AUTS2: variants seen among roughly 807,000 people sequenced by gnomAD.
AUTS2 encodes autism susceptibility gene 2 protein.
Under a neutral mutation model 112.4 loss-of-function variants are expected in AUTS2, and 17 were observed. The observed-to-expected ratio is 0.15, with a 90% confidence interval of 0.10 to 0.23. AUTS2 has a LOEUF of 0.23. Among genes scored for constraint, AUTS2 ranks in the 10% least tolerant of loss-of-function variants. The pLI, the probability that AUTS2 is intolerant of heterozygous loss-of-function variation, is 1.00. For synonymous variants in AUTS2, 751 were observed against 702.7 expected (o/e 1.07, Z -1.09); for missense variants, 1,510 against 1,701.6 (o/e 0.89, Z 1.98).
chr7:70,029,005 T>A (rs1251678644), intron 2 of AUTS2, among the ~76,000 whole-genome samples: 1 of 152,174 alleles, frequency 6.6e-6, no homozygotes, highest in Non-Finnish European at 1.5e-5. Context: ...CTTGGGTACT[T>A]GTAAAGTGCC....
chr7:70,751,000 G>C (rs1788804526), intron 6 of AUTS2, among the ~76,000 whole-genome samples: 1 of 152,228 alleles, frequency 6.6e-6, no homozygotes, highest in East Asian at 1.9e-4. Context: ...TTAAGAGTGT[G>C]AAAGTTATTA....
intron 1 of AUTS2, among the ~76,000 whole-genome samples, chr7:69,785,410 G>A (rs566710063): frequency 1.3e-5 from 2 of 152,324 alleles, no homozygotes; most frequent in South Asian, 4.1e-4. Flanking sequence ...TGATTGAGAG[G>A]CTCCCTCTCA....
At chr7:70,728,994 A>G (rs1787199962) in intron 6 of AUTS2, 3 of 347,812 alleles carry the variant, frequency 8.6e-6, no homozygotes, top group South Asian at 6.6e-5. Flanking sequence ...GGGCCACATG[A>G]AAGGGAAACC....
intron 1 of AUTS2, among the ~76,000 whole-genome samples, chr7:69,662,720 G>A (rs1236769468): frequency 6.6e-6 from 1 of 152,114 alleles, no homozygotes; most frequent in Non-Finnish European, 1.5e-5. Flanking sequence ...TATCATATTA[G>A]CTCTTGGCTT....
intron 6 of AUTS2, among the ~76,000 whole-genome samples, chr7:70,728,946 T>A (rs4718987): frequency 0.23 from 34,755 of 151,670 alleles, 4,845 homozygotes; most frequent in East Asian, 0.58. Context: ...ATGTCTCCTC[T>A]CCTCCCAGTT....
At chr7:69,847,099 AC>A (rs1476250253) in intron 1 of AUTS2, among the ~76,000 whole-genome samples, 1 of 151,436 alleles carries the variant, frequency 6.6e-6, no homozygotes, top group Admixed American at 6.6e-5. Flanking sequence ...CCTCTCCCCT[AC>A]CCCCCAGTAC....
At chr7:70,689,421 C>T (rs1222074748) in intron 5 of AUTS2, among the ~76,000 whole-genome samples, 1 of 151,852 alleles carries the variant, frequency 6.6e-6, no homozygotes, top group Non-Finnish European at 1.5e-5. Flanking sequence ...GAGACCCAAG[C>T]TATCCACTGT....
At chr7:69,752,002 A>G (rs921824608) in intron 1 of AUTS2, among the ~76,000 whole-genome samples, 2 of 152,222 alleles carry the variant, frequency 1.3e-5, no homozygotes, top group African/African-American at 4.8e-5. Context: ...GATGACTATT[A>G]TCACAGATGG....
intron 4 of AUTS2, among the ~76,000 whole-genome samples, chr7:70,136,947 A>G (rs1806594544): frequency 1.3e-5 from 2 of 152,234 alleles, no homozygotes; most frequent in African/African-American, 4.8e-5. Flanking sequence ...CTGAGTATAT[A>G]CATGTGCAGG....
intron 2 of AUTS2, among the ~76,000 whole-genome samples, chr7:70,082,289 T>C (rs965936681): frequency 1.2e-4 from 18 of 152,202 alleles, no homozygotes; most frequent in African/African-American, 4.3e-4. Context: ...TGATTTATTG[T>C]AATCTCTTGT....
chr7:69,956,008 G>A (rs1370856189), intron 2 of AUTS2, among the ~76,000 whole-genome samples: 9 of 152,066 alleles, frequency 5.9e-5, no homozygotes, highest in Admixed American at 5.9e-4. Context: ...CCACTTTTTA[G>A]GTAAAGAAAG....
intron 2 of AUTS2, among the ~76,000 whole-genome samples, chr7:69,958,475 T>G (rs759909681): frequency 6.6e-6 from 1 of 152,078 alleles, no homozygotes; most frequent in Non-Finnish European, 1.5e-5. Flanking sequence ...AATACTTCCA[T>G]CAGGGCCAAG....
rs1491381480 is a variant in AUTS2 at position 69,978,901 on chromosome 7, C to CACACAT, written c.522+79403_522+79404insACACAT. ...ACACACACACACACACACACACACA[C>CACACAT]GCACACACGCACACACACACGCACA... On this transcript the variant is annotated intron_variant, in intron 2 of 18. Coordinates refer to ENST00000342771, the MANE Select transcript of AUTS2 (RefSeq NM_015570.4). Among the ~76,000 whole-genome samples, 6 of 129,212 alleles carry CACACAT rather than the reference C, an allele frequency of 4.6e-5. No homozygotes were observed. In the East Asian group the frequency reaches 9.3e-4, roughly 20 times the overall value. The allele number at this position is 129,212 out of a possible 152,430, so 84.8% of individuals were successfully genotyped here.
intron 4 of AUTS2, among the ~76,000 whole-genome samples, chr7:70,353,674 C>G (rs1254483227): frequency 6.6e-6 from 1 of 152,198 alleles, no homozygotes; most frequent in African/African-American, 2.4e-5. Context: ...TTTATCCCAT[C>G]GGATTTTTCC....
At chr7:69,973,143 A>G (rs1469551497) in intron 2 of AUTS2, among the ~76,000 whole-genome samples, 2 of 152,134 alleles carry the variant, frequency 1.3e-5, no homozygotes, top group African/African-American at 2.4e-5. Context: ...AGTTTTCAGC[A>G]TACAAGTCCT....
chr7:69,871,571 C>T (rs1196033276), intron 1 of AUTS2, among the ~76,000 whole-genome samples: 1 of 152,194 alleles, frequency 6.6e-6, no homozygotes, highest in Non-Finnish European at 1.5e-5. Context: ...TTATTAACCA[C>T]AGTACTAAAA....
At chr7:70,104,552 C>T (rs748637658) in intron 2 of AUTS2, among the ~76,000 whole-genome samples, 108 of 152,260 alleles carry the variant, frequency 7.1e-4, no homozygotes, top group Non-Finnish European at 1.3e-3. Flanking sequence ...TAAAATGTTT[C>T]ATTAGATGTT....
At chr7:70,674,611 C>G (rs1198204402) in intron 5 of AUTS2, among the ~76,000 whole-genome samples, 1 of 152,196 alleles carries the variant, frequency 6.6e-6, no homozygotes, top group African/African-American at 2.4e-5. Context: ...GGCAACCTGG[C>G]CTTCTCCACC....
chr7:70,147,350 C>T (rs915086763), intron 4 of AUTS2, among the ~76,000 whole-genome samples: 2 of 152,026 alleles, frequency 1.3e-5, no homozygotes, highest in East Asian at 1.9e-4. Flanking sequence ...AGAAAATCCA[C>T]AGTTATAGAT....
Sources: allele counts gnomAD v4.1 joint callset (sites outside exome capture counted in the v4.1 genomes callset), GRCh38; gene constraint gnomAD v4.1.1; transcripts MANE v1.5; gene names NCBI Gene and HGNC (gene_info 2026-07-23, HGNC 2026-07-21).